BLTP3B: variants seen among roughly 807,000 people sequenced by gnomAD.
BLTP3B encodes the protein UHRF1 (ICBP90) binding protein 1-like.
At chr12:100,084,395 C>T in the BLTP3B span, 2 of 890,500 alleles carry the variant, frequency 2.2e-6, no homozygotes, top group Non-Finnish European at 3.3e-6. Context: ...CACACACACA[C>T]ACACACACAC....
At chr12:100,042,755 A>T in the BLTP3B span, among the ~76,000 whole-genome samples, 1 of 152,198 alleles carries the variant, frequency 6.6e-6, no homozygotes, top group African/African-American at 2.4e-5. Flanking sequence ...CAAAAAGATT[A>T]TGACTCACTG....
chr12:100,059,058 T>A, the BLTP3B span: 4 of 1,613,988 alleles, frequency 2.5e-6, no homozygotes, highest in Non-Finnish European at 3.4e-6. Context: ...AGTCTGCGGC[T>A]CTTTTTGTGA....
the BLTP3B span, chr12:100,050,275 A>G: frequency 6.2e-7 from 1 of 1,610,796 alleles, no homozygotes. Context: ...TCGGATGTCA[A>G]TTTCCCCATT....
At chr12:100,090,052 C>T in the BLTP3B span, among the ~76,000 whole-genome samples, 34 of 152,346 alleles carry the variant, frequency 2.2e-4, no homozygotes, top group Middle Eastern at 6.8e-3. Context: ...GATTACGAGG[C>T]TTCCCCAGCC....
At chr12:100,105,492 A>C in the BLTP3B span, among the ~76,000 whole-genome samples, 47 of 152,336 alleles carry the variant, frequency 3.1e-4, no homozygotes, top group Admixed American at 8.5e-4. Context: ...AGCCACATGT[A>C]GAAGAATGAA....
chr12:100,058,893 C>G, the BLTP3B span: 1 of 1,613,810 alleles, frequency 6.2e-7, no homozygotes, highest in South Asian at 1.1e-5. Context: ...AGGGGAAAAT[C>G]TGAAAAATGT....
chr12:100,136,932 C>T, the BLTP3B span, among the ~76,000 whole-genome samples: 5 of 152,140 alleles, frequency 3.3e-5, no homozygotes, highest in Non-Finnish European at 7.3e-5. Context: ...CTGTCTCAGC[C>T]TCCCGAGTAG....
chr12:100,089,044 T>C, the BLTP3B span: 18 of 1,610,014 alleles, frequency 1.1e-5, no homozygotes, highest in East Asian at 2.2e-4. Flanking sequence ...TCAGGAGCAT[T>C]TGAAGTTTGC....
chr12:100,064,483 T>A, the BLTP3B span, among the ~76,000 whole-genome samples: 3 of 152,186 alleles, frequency 2.0e-5, no homozygotes, highest in Admixed American at 6.5e-5. Flanking sequence ...AGGCTCATTG[T>A]CATCAGGTTA....
At chr12:100,134,391 A>G in the BLTP3B span, among the ~76,000 whole-genome samples, 1 of 152,284 alleles carries the variant, frequency 6.6e-6, no homozygotes, top group African/African-American at 2.4e-5. Context: ...GGATCACTTG[A>G]GGTCAGGAGT....
the BLTP3B span, chr12:100,060,185 T>A: frequency 1.5e-6 from 1 of 654,838 alleles, no homozygotes; most frequent in Non-Finnish European, 2.3e-6. Context: ...ATCAAAGTGA[T>A]ACATTGGAAT....
At chr12:100,065,647 T>C in the BLTP3B span, among the ~76,000 whole-genome samples, 5 of 152,168 alleles carry the variant, frequency 3.3e-5, no homozygotes, top group African/African-American at 1.2e-4. Flanking sequence ...CCCAGTAAAT[T>C]TGAGGTCAGA....
chr12:100,128,544 A>G, the BLTP3B span: 4 of 176,624 alleles, frequency 2.3e-5, no homozygotes, highest in Admixed American at 2.8e-4. Context: ...TTATAGAATG[A>G]AAAAAAAAAA....
the BLTP3B span, chr12:100,059,966 G>T: frequency 1.2e-6 from 2 of 1,612,986 alleles, no homozygotes; most frequent in South Asian, 2.2e-5. Flanking sequence ...AACAGAAATT[G>T]ATTTAACCAT....
the BLTP3B span, among the ~76,000 whole-genome samples, chr12:100,065,815 C>T: frequency 2.6e-5 from 4 of 152,162 alleles, no homozygotes; most frequent in South Asian, 8.3e-4. Context: ...TTATTGGCCT[C>T]AAAAGCATGT....
the BLTP3B span, among the ~76,000 whole-genome samples, chr12:100,052,273 C>T: frequency 6.6e-6 from 1 of 151,960 alleles, no homozygotes; most frequent in Non-Finnish European, 1.5e-5. Flanking sequence ...GAACTCCTGA[C>T]CTCAAGTGAT....
the BLTP3B span, chr12:100,103,961 A>T: frequency 6.3e-7 from 1 of 1,597,390 alleles, no homozygotes; most frequent in Admixed American, 1.8e-5. Context: ...TCTACAAATG[A>T]AAAATTTTTA....
the BLTP3B span, chr12:100,089,190 T>C: frequency 1.8e-5 from 19 of 1,045,508 alleles, no homozygotes; most frequent in East Asian, 5.0e-4. Flanking sequence ...TCATGAAAAA[T>C]AACCATAGTA....
chr12:100,079,758 C>CCCTCCCATTATAGGCCCAGAGG, the BLTP3B span, among the ~76,000 whole-genome samples: 1 of 152,176 alleles, frequency 6.6e-6, no homozygotes, highest in Non-Finnish European at 1.5e-5. Flanking sequence ...TCACGGCAGC[C>CCCTCCCATTATAGGCCCAGAGG]CCTCCCATTA....
Sources: gnomAD v4.1 joint callset for allele counts (sites outside exome capture counted in the v4.1 genomes callset) on GRCh38, gnomAD v4.1.1 for gene constraint, MANE v1.5 for transcripts, NCBI Gene and HGNC (gene_info 2026-07-23, HGNC 2026-07-21) for gene names.